Variants in ENOX1 observed in about 807,000 individuals in gnomAD.
ENOX1 encodes ecto-NOX disulfide-thiol exchanger 1, also known as candidate growth-related and time keeping constitutive hydroquinone (NADH) oxidase.
A neutral mutation model predicts 82.5 loss-of-function variants in ENOX1; 42 were observed. The ratio of observed to expected loss-of-function variants is 0.51; its 90% confidence interval spans 0.40 to 0.66. The LOEUF (loss-of-function observed/expected upper bound fraction) is 0.66, where lower values mean the gene tolerates loss of function less well. ENOX1 is among the 30% of genes least tolerant of loss of function. The pLI is 0.00. For missense variants in ENOX1, 608 were observed against 811.6 expected (o/e 0.75, Z 3.05); for synonymous variants, 271 against 282.2 (o/e 0.96, Z 0.40).
At chr13:43,751,668 C>T (rs555712692) in intron 1 of ENOX1, among the ~76,000 whole-genome samples, 1 of 152,194 alleles carries the variant, frequency 6.6e-6, no homozygotes, top group South Asian at 2.1e-4. Context: ...TTTCACACAA[C>T]GTAATTATAC....
chr13:43,381,040 A>G (rs926338695), intron 5 of ENOX1, among the ~76,000 whole-genome samples: 8 of 151,834 alleles, frequency 5.3e-5, no homozygotes, highest in African/African-American at 1.9e-4. Flanking sequence ...AATCTAAATA[A>G]TATCAACCAA....
chr13:43,468,724 A>C (rs905455102), intron 3 of ENOX1, among the ~76,000 whole-genome samples: 1 of 151,910 alleles, frequency 6.6e-6, no homozygotes, highest in Non-Finnish European at 1.5e-5. Context: ...CATTTTGCTA[A>C]CTTAAGCTTT....
intron 3 of ENOX1, among the ~76,000 whole-genome samples, chr13:43,433,408 C>A (rs1444457015): frequency 6.6e-6 from 1 of 152,112 alleles, no homozygotes; most frequent in African/African-American, 2.4e-5. Context: ...GACCCACCTC[C>A]CAACACTGTC....
intron 13 of ENOX1, among the ~76,000 whole-genome samples, chr13:43,267,932 G>A (rs1456559886): frequency 2.6e-5 from 4 of 152,152 alleles, no homozygotes; most frequent in South Asian, 2.1e-4. Context: ...TAGCTGTTTC[G>A]AATCTTCTTC....
At chr13:43,230,863 G>A (rs997441187) in intron 15 of ENOX1, among the ~76,000 whole-genome samples, 13 of 152,160 alleles carry the variant, frequency 8.5e-5, no homozygotes, top group African/African-American at 2.9e-4. Context: ...ATCACTTTGT[G>A]CATTCAGTTT....
At chr13:43,620,383 T>G (rs114046656) in intron 2 of ENOX1, among the ~76,000 whole-genome samples, 1 of 151,950 alleles carries the variant, frequency 6.6e-6, no homozygotes, top group Non-Finnish European at 1.5e-5. Context: ...GTAGGGGTTT[T>G]GGGTTATGCT....
chr13:43,509,680 T>C (rs2077294532), intron 2 of ENOX1, among the ~76,000 whole-genome samples: 1 of 152,084 alleles, frequency 6.6e-6, no homozygotes. Context: ...AGTCTGTGGA[T>C]GGTATTCTCA....
chr13:43,349,902 C>T (rs2049660957), intron 8 of ENOX1, among the ~76,000 whole-genome samples: 1 of 145,682 alleles, frequency 6.9e-6, no homozygotes, highest in Admixed American at 6.8e-5. Context: ...TCCCTGTCCC[C>T]ACAGCTGTCA....
chr13:43,666,279 T>C (rs1011741174), intron 2 of ENOX1, among the ~76,000 whole-genome samples: 2 of 152,164 alleles, frequency 1.3e-5, no homozygotes, highest in Non-Finnish European at 2.9e-5. Context: ...GGTATGCCTG[T>C]ACCCCTATAG....
chr13:43,693,668 A>G (rs2086486539), intron 1 of ENOX1, among the ~76,000 whole-genome samples: 1 of 152,174 alleles, frequency 6.6e-6, no homozygotes, highest in African/African-American at 2.4e-5. Context: ...GTCACAAAAA[A>G]TGTTGGATGG....
chr13:43,758,449 C>T (rs1402550117), intron 1 of ENOX1, among the ~76,000 whole-genome samples: 5 of 128,288 alleles, frequency 3.9e-5, no homozygotes, highest in African/African-American at 8.0e-5. Flanking sequence ...GTGAACAGAT[C>T]TGTTGCCAGT....
chr13:43,767,914 C>G (rs556794268), intron 1 of ENOX1, among the ~76,000 whole-genome samples: 1 of 152,316 alleles, frequency 6.6e-6, no homozygotes, highest in South Asian at 2.1e-4. Flanking sequence ...ACCTGGCACT[C>G]AGCAATTAGA....
At chr13:43,589,526 G>T (rs2081146709) in intron 2 of ENOX1, among the ~76,000 whole-genome samples, 1 of 152,080 alleles carries the variant, frequency 6.6e-6, no homozygotes, top group African/African-American at 2.4e-5. Context: ...CTATTATCAA[G>T]ATAGGGTGTC....
chr13:43,384,223 C>T (rs1401130732), intron 5 of ENOX1, among the ~76,000 whole-genome samples: 1 of 152,232 alleles, frequency 6.6e-6, no homozygotes, highest in African/African-American at 2.4e-5. Context: ...ATTAACACAG[C>T]TTTGTTGACA....
At chr13:43,698,923 A>G (rs1321425244) in intron 1 of ENOX1, among the ~76,000 whole-genome samples, 2 of 152,222 alleles carry the variant, frequency 1.3e-5, no homozygotes, top group East Asian at 3.8e-4. Flanking sequence ...AGCCTGTGAA[A>G]AACAATTTCA....
intron 2 of ENOX1, among the ~76,000 whole-genome samples, chr13:43,542,006 C>T (rs1334620995): frequency 6.6e-6 from 1 of 152,154 alleles, no homozygotes; most frequent in East Asian, 1.9e-4. Context: ...CACTCACTGT[C>T]GGGGGTTCCA....
At chr13:43,290,292 C>A (rs761314598) in intron 12 of ENOX1, among the ~76,000 whole-genome samples, 3 of 152,024 alleles carry the variant, frequency 2.0e-5, no homozygotes, top group Non-Finnish European at 2.9e-5. Flanking sequence ...CATTGCTATG[C>A]TATTCACAAT....
intron 12 of ENOX1, among the ~76,000 whole-genome samples, chr13:43,294,794 A>AGAAG (rs1327282238): frequency 6.6e-6 from 1 of 152,252 alleles, no homozygotes; most frequent in Non-Finnish European, 1.5e-5. Flanking sequence ...GCTCAGCATC[A>AGAAG]GAAGGAATGA....
At chr13:43,257,963 C>G (rs1202647750) in intron 14 of ENOX1, among the ~76,000 whole-genome samples, 1 of 152,302 alleles carries the variant, frequency 6.6e-6, no homozygotes, top group East Asian at 1.9e-4. Context: ...TTTCACTTCT[C>G]TAAACTCAAT....
Sources: gnomAD v4.1 joint callset for allele counts (sites outside exome capture counted in the v4.1 genomes callset) on GRCh38, gnomAD v4.1.1 for gene constraint, MANE v1.5 for transcripts, NCBI Gene and HGNC (gene_info 2026-07-23, HGNC 2026-07-21) for gene names.